SH3D19: variants seen among roughly 807,000 people sequenced by gnomAD.
SH3D19 encodes the protein SH3 domain-containing protein 19.
SH3D19 carries 58 observed loss-of-function variants against 112.1 expected under a neutral mutation model. The observed-to-expected ratio is 0.52, with a 90% CI of 0.42 to 0.64. The LOEUF (loss-of-function observed/expected upper bound fraction) is 0.64. Among genes scored for constraint, SH3D19 ranks in the 30% least tolerant of loss-of-function variants. The pLI is 0.00. For synonymous variants in SH3D19, 391 were observed against 448.5 expected, an observed-to-expected ratio of 0.87 and a Z score of 1.62; for missense variants, 1,090 against 1,263.4, an observed-to-expected ratio of 0.86 and a Z score of 2.08.
At chr4:151,125,622 G>A (rs1444345737) in intron 19 of SH3D19, among the ~76,000 whole-genome samples, 2 of 152,006 alleles carry the variant, frequency 1.3e-5, no homozygotes, top group East Asian at 3.9e-4. Flanking sequence ...TGGAGGCTGA[G>A]GCAGGCAGAT....
intron 2 of SH3D19, among the ~76,000 whole-genome samples, chr4:151,206,915 A>G (rs901390472): frequency 6.6e-5 from 10 of 152,088 alleles, no homozygotes; most frequent in Non-Finnish European, 5.9e-5. Flanking sequence ...CTGCTCATTC[A>G]CTGGCATACC....
chr4:151,260,980 A>G (rs1364447180), intron 1 of SH3D19: 1 of 152,060 alleles, frequency 6.6e-6, no homozygotes, highest in Non-Finnish European at 1.5e-5. Context: ...TCTTCATAAC[A>G]TTTATCACAA....
At chr4:151,277,161 G>A in intron 1 of SH3D19, 4 of 1,442,546 alleles carry the variant, frequency 2.8e-6, no homozygotes, top group Non-Finnish European at 1.8e-6. Flanking sequence ...CACTGGCTCT[G>A]AGGACAGAGA....
At chr4:151,255,446 G>A (rs1561405312) in intron 1 of SH3D19, among the ~76,000 whole-genome samples, 1 of 151,688 alleles carries the variant, frequency 6.6e-6, no homozygotes, top group Non-Finnish European at 1.5e-5. Context: ...GGGCAGAGAC[G>A]CTCCTCACTT....
At chr4:151,221,900 AC>A (rs1302692992) in intron 2 of SH3D19, among the ~76,000 whole-genome samples, 1 of 152,000 alleles carries the variant, frequency 6.6e-6, no homozygotes, top group African/African-American at 2.4e-5. Context: ...ACAACAATGG[AC>A]CCTCCTTCAA....
At chr4:151,160,179 T>C (rs1756901306) in intron 8 of SH3D19, among the ~76,000 whole-genome samples, 1 of 151,386 alleles carries the variant, frequency 6.6e-6, no homozygotes, top group African/African-American at 2.4e-5. Context: ...CTCCGCCTCC[T>C]GAGTTCACGC....
At chr4:151,281,973 G>A (rs368485711) in intron 1 of SH3D19, among the ~76,000 whole-genome samples, 16 of 152,118 alleles carry the variant, frequency 1.1e-4, no homozygotes, top group East Asian at 3.9e-4. Flanking sequence ...AGGGAAGGAC[G>A]GGGAGAAAGA....
chr4:151,296,074 C>A (rs72725927), intron 1 of SH3D19, among the ~76,000 whole-genome samples: 1 of 149,654 alleles, frequency 6.7e-6, no homozygotes, highest in African/African-American at 2.5e-5. Context: ...GAAAGAAAAT[C>A]GTTTTTAAGA....
At chr4:151,264,427 C>CAAAAAAAAAAAAAAAAA (rs34271780) in intron 1 of SH3D19, among the ~76,000 whole-genome samples, 1 of 106,104 alleles carries the variant, frequency 9.4e-6, no homozygotes, top group Non-Finnish European at 1.8e-5. Flanking sequence ...GACTCTGTCT[C>CAAAAAAAAAAAAAAAAA]AAAAAAAAAA....
chr4:151,228,781 T>C (rs1195717466), intron 1 of SH3D19, among the ~76,000 whole-genome samples: 2 of 152,160 alleles, frequency 1.3e-5, no homozygotes, highest in Non-Finnish European at 2.9e-5. Flanking sequence ...ATCTTGGCTA[T>C]ATATAGTGCT....
Position 151,132,344 on chromosome 4 carries a change from C to G in SH3D19, c.2729G>C (p.Gly910Ala). Residue 910 changes from glycine (G) to alanine (A), a missense_variant, in exon 17 of 20, where the codon GGC (glycine) becomes GCC (alanine). Transcript: ENST00000604030. ...VPLKTKKEDS[G>A]SNSQVNSLPA... is the part of the protein sequence containing the mutation. ...CAAGCAGCCTACCTGAGAGTTTGAG[C>G]CAGAATCTTCTTTTTTGGTTTTCAG... The G allele has an allele frequency of 6.2e-7, 1 of 1,613,924 alleles. No homozygotes were observed. The highest frequency in any genetic ancestry group is 8.5e-7 in the Non-Finnish European group (1 of 1,179,954).
intron 2 of SH3D19, among the ~76,000 whole-genome samples, chr4:151,193,483 T>C (rs1294396075): frequency 6.6e-6 from 1 of 152,198 alleles, no homozygotes; most frequent in Non-Finnish European, 1.5e-5. Flanking sequence ...GGTTTTCTCA[T>C]TATACACTTT....
chr4:151,175,721 C>T (rs941922172), intron 6 of SH3D19, 47 bp from the exon 7 acceptor site: 20 of 1,237,074 alleles, frequency 1.6e-5, no homozygotes, highest in African/African-American at 9.3e-5. Context: ...CAAGCCATAA[C>T]GTTAACAATG....
intron 8 of SH3D19, 70 bp from the exon 9 acceptor site, chr4:151,159,422 G>A: frequency 2.2e-6 from 2 of 915,988 alleles, no homozygotes; most frequent in Non-Finnish European, 3.3e-6. Flanking sequence ...AATGATTGCT[G>A]CTTAGTTTAT....
chr4:151,243,640 T>G (rs1214219009), intron 1 of SH3D19, among the ~76,000 whole-genome samples: 1 of 152,254 alleles, frequency 6.6e-6, no homozygotes. Context: ...AATGGCTAAT[T>G]ATTAGTGCTA....
At chr4:151,283,305 G>T (rs372701461) in intron 1 of SH3D19, 8 of 1,606,956 alleles carry the variant, frequency 5.0e-6, no homozygotes, top group South Asian at 3.3e-5. Context: ...TTGCTCTAGA[G>T]AATTTTTTTT....
intron 1 of SH3D19, among the ~76,000 whole-genome samples, chr4:151,304,222 A>G (rs891710762): frequency 6.6e-6 from 1 of 152,194 alleles, no homozygotes; most frequent in Non-Finnish European, 1.5e-5. Context: ...TCCCTCCATA[A>G]AAGCAATAAA....
At chr4:151,145,357 A>G (rs1446872791) in intron 11 of SH3D19, among the ~76,000 whole-genome samples, 4 of 152,318 alleles carry the variant, frequency 2.6e-5, no homozygotes, top group South Asian at 4.1e-4. Flanking sequence ...ACAAAAGATG[A>G]CATTCCACCA....
chr4:151,237,460 A>G (rs1262577517), intron 1 of SH3D19, among the ~76,000 whole-genome samples: 1 of 152,154 alleles, frequency 6.6e-6, no homozygotes, highest in Admixed American at 6.5e-5. Flanking sequence ...CCTGCAGTGG[A>G]AAATCAATAA....
Sources: gnomAD v4.1 joint callset for allele counts (sites outside exome capture counted in the v4.1 genomes callset) on GRCh38, gnomAD v4.1.1 for gene constraint, MANE v1.5 for transcripts, NCBI Gene and HGNC (gene_info 2026-07-23, HGNC 2026-07-21) for gene names.